Variants in MOB3C observed in about 807,000 individuals in gnomAD.
MOB3C encodes the protein MOB kinase activator 3C.
MOB3C carries 17 observed loss-of-function variants against 19.8 expected under a neutral mutation model. That is an observed-to-expected ratio of 0.86 (90% CI 0.59 to 1.29). MOB3C has a LOEUF of 1.29. Among genes scored for constraint, MOB3C ranks in the 50% most tolerant of loss-of-function variants. MOB3C has a pLI of 0.00. For missense variants in MOB3C, 291 were observed against 301.9 expected (o/e 0.96, Z 0.27); for synonymous variants, 101 against 119.2 (o/e 0.85, Z 0.99).
intron 1 of MOB3C, 31 bp from the exon 2 acceptor site, chr1:46,613,402 C>T (rs1270695280): frequency 6.5e-7 from 1 of 1,547,622 alleles, no homozygotes; most frequent in Non-Finnish European, 8.7e-7. Flanking sequence ...GGGGAGCTGG[C>T]GGTCAAGGCC....
chr1:46,609,573 T>C lies in MOB3C; in HGVS notation c.*82A>G, dbSNP rs1675426079. Reference sequence around the variant, plus strand: ...AGTGATTCCAGTGCCTTCAGATTCCTTCAGGCTCCTGGGGGTCCCCTCTGC... The same window carrying C: ...AGTGATTCCAGTGCCTTCAGATTCCCTCAGGCTCCTGGGGGTCCCCTCTGC... On this transcript the variant is annotated 3_prime_UTR_variant, in exon 4 of 4. Transcript: ENST00000319928. 6.4e-7 allele frequency: 1 copy of C among 1,568,830 alleles called. No individual in the cohort carries two copies. Among genetic ancestry groups the C allele is most frequent in the Admixed American group, 1.7e-5 (1 of 59,540 alleles).
At position 46,610,167 on chromosome 1, in the gene MOB3C, G is replaced by A; in HGVS notation, c.456C>T (p.Thr152=). 1 of 1,614,044 alleles carries A rather than the reference G, an allele frequency of 6.2e-7. No homozygotes were observed. The highest frequency in any genetic ancestry group is 1.1e-5 in the South Asian group (1 of 91,072). The change falls in exon 3 of 4, where the codon ACC becomes ACT. Residue 152 remains threonine, a synonymous_variant. Transcript: ENST00000319928. ...PFPKNFQQVC[T]KILTRLFRVF... is the part of the protein sequence containing the mutation. Reference sequence around the variant, plus strand: ...CTCGGAAGAGGCGGGTCAGGATCTTGGTGCAGACCTGCTGGAAGTTCTTAG... The same window carrying A: ...CTCGGAAGAGGCGGGTCAGGATCTTAGTGCAGACCTGCTGGAAGTTCTTAG...
chr1:46,614,977 G>A (rs759868253), intron 1 of MOB3C: 4 of 1,606,752 alleles, frequency 2.5e-6, no homozygotes, highest in Non-Finnish European at 2.6e-6. Flanking sequence ...TCACAGATGT[G>A]AAAGGTCATC....
At chr1:46,614,850 A>G in intron 1 of MOB3C, 1 of 688,364 alleles carries the variant, frequency 1.5e-6, no homozygotes, top group South Asian at 2.1e-5. Flanking sequence ...GTTTGAGACA[A>G]AGGTCCTTCC....
chr1:46,613,640 G>T, intron 1 of MOB3C: 2 of 492,722 alleles, frequency 4.1e-6, no homozygotes, highest in Non-Finnish European at 7.2e-6. Context: ...CTCTAAACAG[G>T]TGCCCCTCAG....
chr1:46,611,854 G>A lies in MOB3C; in HGVS notation c.418+1050C>T, dbSNP rs192819829. Among the ~76,000 whole-genome samples the A allele has an allele frequency of 2.6e-5, 4 of 152,290 alleles. No homozygotes were observed. Among genetic ancestry groups the A allele is most frequent in the East Asian group, 1.9e-4 (1 of 5,180 alleles). ...GCAGGCCACTGGCTGGGGAGGAGCC[G>A]TGGGCATTGAATTGTGACTCAGTGC... On this transcript the variant is annotated intron_variant, in intron 2 of 3. Coordinates refer to ENST00000319928, the MANE Select transcript of MOB3C (RefSeq NM_201403.3). The surrounding 1 kb of genome is among the most constrained non-coding windows in gnomAD (Gnocchi z 4.1).
intron 2 of MOB3C, among the ~76,000 whole-genome samples, chr1:46,610,833 C>T (rs186591758): frequency 2.0e-5 from 3 of 152,308 alleles, no homozygotes; most frequent in East Asian, 1.9e-4. Context: ...ATAAAAGTTA[C>T]GACCTAAACT....
At position 46,609,697 on chromosome 1, in the gene MOB3C, A is replaced by G. The variant is rs1223178964; in HGVS notation, c.622-13T>C. On this transcript the variant is annotated splice_polypyrimidine_tract_variant and intron_variant, in intron 3 of 3. Coordinates refer to ENST00000319928, the MANE Select transcript of MOB3C (RefSeq NM_201403.3). ...CTGTCATCTCCCTCTGTAGAGACACAAGGTAGGGAGGGGTCAATTAGAGCT... is the reference window on the plus strand; with the variant it reads ...CTGTCATCTCCCTCTGTAGAGACACGAGGTAGGGAGGGGTCAATTAGAGCT... The G allele has an allele frequency of 8.1e-6, 13 of 1,614,054 alleles. No individual in the cohort carries two copies. The highest frequency in any genetic ancestry group is 4.5e-5 in the East Asian group (2 of 44,884).
At position 46,611,142 on chromosome 1, in the gene MOB3C, A is replaced by C. The variant is rs117564462; in HGVS notation, c.419-938T>G. On this transcript the variant is annotated intron_variant, in intron 2 of 3. Coordinates refer to ENST00000319928, the MANE Select transcript of MOB3C (RefSeq NM_201403.3). The surrounding 1 kb of genome is among the most constrained non-coding windows in gnomAD (Gnocchi z 4.1). The stretch of plus-strand genomic sequence containing the variant: ...ACAGCCCTCATTCCTTCAAATATTC[A>C]ACAACACGAAGAACCTTCCATTTAT... Among the ~76,000 whole-genome samples, 87 of 152,314 alleles carry C rather than the reference A, an allele frequency of 5.7e-4. No individual in the cohort carries two copies. In the East Asian group the frequency reaches 0.016, roughly 29 times the overall value.
intron 1 of MOB3C, chr1:46,614,999 G>A (rs1361612344): frequency 1.4e-5 from 22 of 1,612,204 alleles, no homozygotes; most frequent in African/African-American, 4.0e-5. Context: ...CATCCATCCC[G>A]ACTCTTCGAC....
intron 1 of MOB3C, chr1:46,614,257 G>C (rs145179803): frequency 3.9e-5 from 6 of 152,404 alleles, no homozygotes; most frequent in African/African-American, 1.4e-4. Flanking sequence ...CCCAGATTCA[G>C]AACAAATTTT....
chr1:46,608,044 C>T lies in MOB3C; in HGVS notation c.*1611G>A, dbSNP rs957252602. On this transcript the variant is annotated 3_prime_UTR_variant, in exon 4 of 4. Transcript: ENST00000319928. The surrounding 1 kb of genome is among the most constrained non-coding windows in gnomAD (Gnocchi z 4.5). ...GGGGCATGATATTGGATGCTTGGCTCAGGAAACAACCCCAGCCAACCCAAG... is the reference window on the plus strand; with the variant it reads ...GGGGCATGATATTGGATGCTTGGCTTAGGAAACAACCCCAGCCAACCCAAG... 2 of 152,254 alleles carry T rather than the reference C, an allele frequency of 1.3e-5. No individual in the cohort carries two copies. Among genetic ancestry groups the T allele is most frequent in the Non-Finnish European group, 2.9e-5 (2 of 68,074 alleles). The allele number at this position is 152,254 out of a possible 1,614,324, so 9.4% of individuals were successfully genotyped here. A position where few individuals can be genotyped will look rare whatever the true frequency, so the allele number is the denominator to read the frequency against.
In MOB3C at chr1:46,613,160, C is replaced by T. The variant is rs746675262; in HGVS notation, c.162G>A (p.Glu54=). ...GCACGGCGATCCAGTCGTCGATGTT[C>T]TCCCCGGGTGGTAGCCTCACCACAC... ...LRSVVRLPPG[E]NIDDWIAVHV... is the part of the protein sequence containing the mutation. Residue 54 remains glutamate (E), a synonymous_variant, in exon 2 of 4, where the codon GAG becomes GAA. Transcript: ENST00000319928. The T allele has an allele frequency of 6.2e-7, 1 of 1,614,282 alleles. No homozygotes were observed. The highest frequency in any genetic ancestry group is 8.5e-7 in the Non-Finnish European group (1 of 1,180,052).
Position 46,608,670 on chromosome 1 carries a change from CG to C in MOB3C, c.*984del. The C allele has an allele frequency of 6.5e-6, 1 of 152,696 alleles. No individual in the cohort carries two copies. Among genetic ancestry groups the C allele is most frequent in the South Asian group, 2.1e-4 (1 of 4,824 alleles). The allele number at this position is 152,696 out of a possible 1,614,324, so 9.5% of individuals were successfully genotyped here. A position where few individuals can be genotyped will look rare whatever the true frequency, so the allele number is the denominator to read the frequency against. ...ATTCAAGTTCCACAAGCTCCTTGGA[CG>C]GGGAGATTATTTTGTGCTGGGCTTC... On this transcript the variant is annotated 3_prime_UTR_variant, in exon 4 of 4. Transcript: ENST00000319928. This position sits in a 1 kb window ranked among gnomAD's most constrained non-coding sequence, Gnocchi z 4.5.
intron 2 of MOB3C, among the ~76,000 whole-genome samples, chr1:46,612,061 C>T (rs1164642516): frequency 6.6e-6 from 1 of 152,206 alleles, no homozygotes; most frequent in African/African-American, 2.4e-5. Flanking sequence ...GACCAACAAC[C>T]CCCTCCTGCT....
intron 1 of MOB3C, chr1:46,615,338 C>T: frequency 2.2e-6 from 1 of 449,420 alleles, no homozygotes; most frequent in Non-Finnish European, 4.0e-6. Flanking sequence ...TATCCCTCCA[C>T]CTGCCTGACC....
intron 1 of MOB3C, chr1:46,615,982 C>T (rs1334766828): frequency 6.6e-6 from 1 of 152,402 alleles, no homozygotes; most frequent in Non-Finnish European, 1.5e-5. Context: ...GCTCTTCTAG[C>T]CACAGGGTTA....
chr1:46,609,636 A>G lies in MOB3C; in HGVS notation c.*19T>C. The G allele has an allele frequency of 6.2e-7, 1 of 1,614,164 alleles. No homozygotes were observed. The highest frequency in any genetic ancestry group is 2.2e-5 in the East Asian group (1 of 44,872). On this transcript the variant is annotated 3_prime_UTR_variant, in exon 4 of 4. Transcript: ENST00000319928. ...GTTCAGATCGTCCATCTGATGGCCA[A>G]AAAAGTCCAGACCTGGGCTCAGTGG...
chr1:46,616,684 G>T (rs1296667556), intron 1 of MOB3C, 27 bp downstream of exon 1: 1 of 152,746 alleles, frequency 6.5e-6, no homozygotes, highest in African/African-American at 2.4e-5. Flanking sequence ...TGCGCGGCGA[G>T]GCCGCAGGGG....
Sources: gnomAD v4.1 joint callset for allele counts (sites outside exome capture counted in the v4.1 genomes callset) on GRCh38, gnomAD v4.1.1 for gene constraint, Gnocchi (gnomAD v3.1) non-coding constraint, MANE v1.5 for transcripts, NCBI Gene and HGNC (gene_info 2026-07-23, HGNC 2026-07-21) for gene names.